QTGAL: variants seen among roughly 807,000 people sequenced by gnomAD.
QTGAL encodes BGnT-like protein 1.
chr17:83,014,317 G>T, the QTGAL span: 1 of 934,512 alleles, frequency 1.1e-6, no homozygotes, highest in Non-Finnish European at 1.6e-6. Flanking sequence ...AGACATGCCA[G>T]CCACAGATCC....
the QTGAL span, chr17:82,956,938 G>T: frequency 3.1e-6 from 3 of 977,646 alleles, no homozygotes; most frequent in Non-Finnish European, 4.7e-6. This position sits in a 1 kb window ranked among gnomAD's most constrained non-coding sequence, Gnocchi z 5.7. Context: ...GCAGGAACCC[G>T]GCTCCCGCCA....
At chr17:82,950,971 C>T in the QTGAL span, among the ~76,000 whole-genome samples, 1 of 152,194 alleles carries the variant, frequency 6.6e-6, no homozygotes, top group Non-Finnish European at 1.5e-5. Context: ...GAATGGCGAC[C>T]ACTGCCTTCA....
At chr17:83,050,557 G>T in the QTGAL span, among the ~76,000 whole-genome samples, 1 of 151,938 alleles carries the variant, frequency 6.6e-6, no homozygotes, top group Non-Finnish European at 1.5e-5. Context: ...GAATAAAAAA[G>T]AAAAAAGGCT....
At chr17:83,030,642 C>T in the QTGAL span, 3 of 152,500 alleles carry the variant, frequency 2.0e-5, no homozygotes, top group Admixed American at 6.5e-5. Flanking sequence ...GGCGATGACT[C>T]GACAATGCTG....
the QTGAL span, among the ~76,000 whole-genome samples, chr17:82,964,296 T>G: frequency 9.1e-6 from 1 of 109,402 alleles, no homozygotes; most frequent in African/African-American, 3.5e-5. Context: ...ATATGAAAAA[T>G]GAAGACTAAA....
the QTGAL span, chr17:83,007,142 G>T: frequency 1.1e-6 from 1 of 881,374 alleles, no homozygotes; most frequent in Non-Finnish European, 1.4e-6. Context: ...TTTTCTAATT[G>T]GAACAAACGT....
the QTGAL span, among the ~76,000 whole-genome samples, chr17:82,971,051 C>T: frequency 1.7e-4 from 26 of 152,132 alleles, no homozygotes; most frequent in African/African-American, 5.1e-4. Flanking sequence ...GCTCACTCAG[C>T]GCTGTGGGAG....
the QTGAL span, among the ~76,000 whole-genome samples, chr17:83,025,858 C>T: frequency 1.3e-5 from 2 of 152,230 alleles, no homozygotes; most frequent in African/African-American, 2.4e-5. Flanking sequence ...ACATCCCTGT[C>T]GTGACGGGAG....
the QTGAL span, among the ~76,000 whole-genome samples, chr17:82,993,073 T>C: frequency 6.6e-6 from 1 of 152,050 alleles, no homozygotes; most frequent in African/African-American, 2.4e-5. Context: ...AATACCAAAA[T>C]ACAACCAGAA....
At chr17:82,946,066 T>A in the QTGAL span, 1 of 152,224 alleles carries the variant, frequency 6.6e-6, no homozygotes, top group Admixed American at 6.5e-5. Context: ...ATAATTCAGT[T>A]ATCAGCTTGG....
the QTGAL span, among the ~76,000 whole-genome samples, chr17:82,988,336 C>T: frequency 3.3e-4 from 50 of 152,122 alleles, no homozygotes; most frequent in African/African-American, 1.1e-3. Context: ...CCCTTCTTTA[C>T]ACCTTATACA....
At chr17:83,004,987 A>C in the QTGAL span, 3 of 673,708 alleles carry the variant, frequency 4.5e-6, no homozygotes, top group African/African-American at 3.6e-5. Context: ...ATGGCATGTG[A>C]GTGAAGGCGA....
the QTGAL span, among the ~76,000 whole-genome samples, chr17:82,952,301 T>C: frequency 6.6e-6 from 1 of 151,932 alleles, no homozygotes; most frequent in Non-Finnish European, 1.5e-5. Context: ...TGTCTGTGTG[T>C]CCCCCACAAC....
the QTGAL span, among the ~76,000 whole-genome samples, chr17:83,015,813 TCTAA>T: frequency 6.6e-6 from 1 of 152,198 alleles, no homozygotes; most frequent in Non-Finnish European, 1.5e-5. This position sits in a 1 kb window ranked among gnomAD's most constrained non-coding sequence, Gnocchi z 4.4. Context: ...CTTATGAGCA[TCTAA>T]CTAATGCTGA....
the QTGAL span, among the ~76,000 whole-genome samples, chr17:83,017,393 C>A: frequency 7.2e-5 from 11 of 152,120 alleles, no homozygotes; most frequent in Admixed American, 6.5e-4. Flanking sequence ...GAGGCCAAGG[C>A]AGGCGGATAA....
the QTGAL span, among the ~76,000 whole-genome samples, chr17:82,981,923 A>C: frequency 2.0e-5 from 3 of 152,286 alleles, no homozygotes; most frequent in African/African-American, 7.2e-5. Flanking sequence ...GAAAATCATA[A>C]GGAAGAGAAA....
the QTGAL span, chr17:82,949,567 G>A: frequency 6.6e-6 from 1 of 152,158 alleles, no homozygotes; most frequent in Admixed American, 6.5e-5. Context: ...TCAAAAGGAT[G>A]GAGCAGAACA....
the QTGAL span, among the ~76,000 whole-genome samples, chr17:82,987,536 A>T: frequency 3.3e-5 from 5 of 152,238 alleles, no homozygotes. Flanking sequence ...TCTGTTGGAC[A>T]ACCTAAGTCT....
At chr17:82,962,499 ACGGG>A in the QTGAL span, among the ~76,000 whole-genome samples, 1 of 144,258 alleles carries the variant, frequency 6.9e-6, no homozygotes, top group Admixed American at 7.0e-5. Context: ...GGACCCTCAC[ACGGG>A]TGATTTAGGG....
Sources: gnomAD v4.1 joint callset for allele counts (sites outside exome capture counted in the v4.1 genomes callset) on GRCh38, gnomAD v4.1.1 for gene constraint, Gnocchi (gnomAD v3.1) non-coding constraint, MANE v1.5 for transcripts, NCBI Gene and HGNC (gene_info 2026-07-23, HGNC 2026-07-21) for gene names.